LRMDA: variants seen among roughly 807,000 people sequenced by gnomAD.
LRMDA encodes the protein leucine rich melanocyte differentiation associated.
In LRMDA, 18 loss-of-function variants were observed where a neutral mutation model predicts 29.8. That is an observed-to-expected ratio of 0.60 (90% CI 0.42 to 0.90). The LOEUF (loss-of-function observed/expected upper bound fraction) is 0.90. Among genes scored for constraint, LRMDA ranks in the 40% least tolerant of loss-of-function variants. The pLI is 0.00. For synonymous variants in LRMDA, 125 were observed against 109.4 expected, an observed-to-expected ratio of 1.14 and a Z score of -0.89; for missense variants, 273 against 273.9, an observed-to-expected ratio of 1.00 and a Z score of 0.02.
chr10:75,989,935 C>G (rs917645955), intron 2 of LRMDA, among the ~76,000 whole-genome samples: 3 of 152,048 alleles, frequency 2.0e-5, no homozygotes, highest in Non-Finnish European at 4.4e-5. Context: ...ATGGTGAAAT[C>G]CCCCCCGCTC....
At chr10:75,707,848 G>A (rs1205419333) in intron 2 of LRMDA, among the ~76,000 whole-genome samples, 1 of 151,992 alleles carries the variant, frequency 6.6e-6, no homozygotes, top group Non-Finnish European at 1.5e-5. Context: ...CGGGGACTGG[G>A]GCTTTTTTGC....
intron 6 of LRMDA, among the ~76,000 whole-genome samples, chr10:76,527,374 C>T (rs531660635): frequency 5.5e-4 from 83 of 152,122 alleles, no homozygotes; most frequent in Non-Finnish European, 6.5e-4. Flanking sequence ...GATCTTGGCT[C>T]TATAAGTTAC....
At chr10:75,712,772 C>A (rs1396924697) in intron 2 of LRMDA, among the ~76,000 whole-genome samples, 1 of 152,176 alleles carries the variant, frequency 6.6e-6, no homozygotes, top group Non-Finnish European at 1.5e-5. Context: ...CAGCCAGGGT[C>A]TGCCAGGCTT....
chr10:76,265,894 A>G (rs1456845948), intron 5 of LRMDA, among the ~76,000 whole-genome samples: 2 of 152,216 alleles, frequency 1.3e-5, no homozygotes, highest in Non-Finnish European at 2.9e-5. Flanking sequence ...TTTGCATTCT[A>G]GGGACCTCCC....
At position 75,438,416 on chromosome 10, in the gene LRMDA, G is replaced by A. The variant is rs1844286963; in HGVS notation, c.53G>A (p.Cys18Tyr). Residue 18 changes from cysteine to tyrosine, a missense_variant, in exon 2 of 7, where the codon TGC becomes TAC. Transcript: ENST00000611255. ...GTQVSYIGQDCREIPEHLGRD... is the reference protein window; with the variant it reads ...GTQVSYIGQDYREIPEHLGRD... Reference sequence around the variant, plus strand: ...CAGGTGTCCTACATAGGCCAGGACTGCAGAGAAATTCCAGAGCACCTTGGC... The same window carrying A: ...CAGGTGTCCTACATAGGCCAGGACTACAGAGAAATTCCAGAGCACCTTGGC... 6.4e-7 allele frequency: 1 copy of A among 1,551,062 alleles called. No homozygotes were observed. The highest frequency in any genetic ancestry group is 8.7e-7 in the Non-Finnish European group (1 of 1,147,060).
intron 6 of LRMDA, among the ~76,000 whole-genome samples, chr10:76,398,414 C>T (rs1288522148): frequency 6.6e-6 from 1 of 152,208 alleles, no homozygotes; most frequent in Non-Finnish European, 1.5e-5. Flanking sequence ...ATGTGACCTC[C>T]TGTTGCTTTG....
At chr10:75,879,609 G>A (rs1341788177) in intron 2 of LRMDA, among the ~76,000 whole-genome samples, 1 of 152,172 alleles carries the variant, frequency 6.6e-6, no homozygotes, top group African/African-American at 2.4e-5. Flanking sequence ...CTGGGATGAG[G>A]CTGAGGGCAA....
rs1183989010 is a variant in LRMDA, at chr10:75,578,215, C to CAAAAAAAAAAAAAAA, written c.131+139731_131+139745dup. Among the ~76,000 whole-genome samples the CAAAAAAAAAAAAAAA allele has an allele frequency of 6.8e-3, 97 of 14,226 alleles. 16 individuals are homozygous for CAAAAAAAAAAAAAAA. Among genetic ancestry groups the CAAAAAAAAAAAAAAA allele is most frequent in the Non-Finnish European group, 9.0e-3 (53 of 5,888 alleles). 9.3% of individuals were successfully genotyped at this position (14,226 alleles called of 152,430 possible). A position where few individuals can be genotyped will look rare whatever the true frequency, so the allele number is the denominator to read the frequency against. On this transcript the variant is annotated intron_variant, in intron 2 of 6. Transcript: ENST00000611255. ...GTATATTTACCAAGCAAATGGAAAG[C>CAAAAAAAAAAAAAAA]AAAAAAAAAAAAAAAAAAAAAAAAG...
chr10:76,267,398 G>A (rs1335018122), intron 5 of LRMDA, among the ~76,000 whole-genome samples: 2 of 152,026 alleles, frequency 1.3e-5, no homozygotes, highest in Non-Finnish European at 2.9e-5. Flanking sequence ...TCAAAGTGTT[G>A]TGCGACCATC....
chr10:75,570,687 G>A (rs1409926221), intron 2 of LRMDA, among the ~76,000 whole-genome samples: 1 of 152,180 alleles, frequency 6.6e-6, no homozygotes, highest in Non-Finnish European at 1.5e-5. Context: ...GAGAACTGCT[G>A]AATTAATGTA....
chr10:76,086,527 C>T (rs1017020738), intron 5 of LRMDA, among the ~76,000 whole-genome samples: 1 of 152,182 alleles, frequency 6.6e-6, no homozygotes, highest in Non-Finnish European at 1.5e-5. Context: ...AGTCAACACT[C>T]GTAAGTAAGT....
intron 2 of LRMDA, among the ~76,000 whole-genome samples, chr10:75,724,927 A>T (rs1842613072): frequency 6.6e-6 from 1 of 152,214 alleles, no homozygotes. Context: ...TTTTACTGTT[A>T]TCATCTCAAA....
intron 2 of LRMDA, among the ~76,000 whole-genome samples, chr10:75,603,183 T>G (rs887163124): frequency 6.6e-6 from 1 of 152,058 alleles, no homozygotes; most frequent in African/African-American, 2.4e-5. Context: ...CTTAAAGTTT[T>G]TTTTTTTTTT....
intron 2 of LRMDA, among the ~76,000 whole-genome samples, chr10:76,032,792 G>T (rs950191702): frequency 6.6e-6 from 1 of 152,126 alleles, no homozygotes; most frequent in Admixed American, 6.5e-5. Context: ...GGTGAACCTT[G>T]CTCTCTCCTA....
intron 2 of LRMDA, among the ~76,000 whole-genome samples, chr10:75,807,634 G>A (rs1472602284): frequency 6.6e-6 from 1 of 152,152 alleles, no homozygotes; most frequent in Non-Finnish European, 1.5e-5. Context: ...TCAGCTTGAC[G>A]AACAGTGGCC....
intron 2 of LRMDA, among the ~76,000 whole-genome samples, chr10:75,748,907 G>GTGTATATA (rs1842920548): frequency 6.6e-6 from 1 of 152,028 alleles, no homozygotes; most frequent in African/African-American, 2.4e-5. Flanking sequence ...ACATTTATAT[G>GTGTATATA]TATGTGTATC....
intron 5 of LRMDA, among the ~76,000 whole-genome samples, chr10:76,167,495 A>G (rs1850762012): frequency 6.6e-6 from 1 of 152,194 alleles, no homozygotes; most frequent in Non-Finnish European, 1.5e-5. Flanking sequence ...TCTCAGCACC[A>G]TTTATTAAAT....
chr10:75,670,465 C>G (rs1841877585), intron 2 of LRMDA, among the ~76,000 whole-genome samples: 1 of 152,086 alleles, frequency 6.6e-6, no homozygotes, highest in Non-Finnish European at 1.5e-5. Flanking sequence ...AACTTCCTTT[C>G]TAGGTTCTGC....
At chr10:76,114,013 G>A (rs573227089) in intron 5 of LRMDA, among the ~76,000 whole-genome samples, 1 of 152,160 alleles carries the variant, frequency 6.6e-6, no homozygotes, top group African/African-American at 2.4e-5. Context: ...GTTTTTTTCG[G>A]CCTGTCAGAC....
Sources: allele counts gnomAD v4.1 joint callset (sites outside exome capture counted in the v4.1 genomes callset), GRCh38; gene constraint gnomAD v4.1.1; transcripts MANE v1.5; gene names NCBI Gene and HGNC (gene_info 2026-07-23, HGNC 2026-07-21).